Variants in NOS1 observed in about 807,000 individuals in gnomAD.
The protein encoded by NOS1 is nitric oxide synthase 1, also known as NOS type I.
In NOS1, 51 loss-of-function variants were observed where a neutral mutation model predicts 164.5. The observed-to-expected ratio is 0.31, with a 90% CI of 0.25 to 0.39. NOS1 has a LOEUF of 0.39. Among genes scored for constraint, NOS1 ranks in the 10% least tolerant of loss-of-function variants. The probability of loss-of-function intolerance (pLI) is 1.00; values close to 1 mark genes in which losing one functional copy is unlikely to be tolerated. For missense variants in NOS1, 1,362 were observed against 1,885.6 expected (o/e 0.72, Z 5.14); for synonymous variants, 719 against 745.8 (o/e 0.96, Z 0.59).
intron 1 of NOS1, among the ~76,000 whole-genome samples, chr12:117,354,264 T>C (rs61938734): frequency 7.0e-4 from 105 of 149,582 alleles, no homozygotes; most frequent in Admixed American, 1.8e-3. Flanking sequence ...ATCATCAAAA[T>C]CAATAAAAAT....
intron 1 of NOS1, among the ~76,000 whole-genome samples, chr12:117,360,084 C>G (rs1004533215): frequency 4.6e-5 from 7 of 150,846 alleles, no homozygotes; most frequent in Admixed American, 1.3e-4. Flanking sequence ...AGAGACTTAC[C>G]GAAGGTCACG....
In NOS1 at chr12:117,301,414, C is replaced by G. The variant is rs544712224; in HGVS notation, c.852+10052G>C. 1.0e-3 allele frequency among the ~76,000 whole-genome samples: 153 copies of G among 152,354 alleles called. 1 individual carries two copies. Among genetic ancestry groups the G allele is most frequent in the African/African-American group, 3.3e-3 (138 of 41,580 alleles). The stretch of plus-strand genomic sequence containing the variant: ...AAAGTGCTGGGATTACAGGCATGAG[C>G]TACACCTGGCCTTCATTTCATTTTG... On this transcript the variant is annotated intron_variant, in intron 3 of 28. Coordinates refer to ENST00000317775, the MANE Select transcript of NOS1 (RefSeq NM_000620.5).
chr12:117,343,859 A>G (rs779160565), intron 1 of NOS1, among the ~76,000 whole-genome samples: 1 of 152,234 alleles, frequency 6.6e-6, no homozygotes, highest in Non-Finnish European at 1.5e-5. Context: ...AGAGAGCAGT[A>G]ATAAGATTTG....
At chr12:117,317,686 A>C (rs1260817468) in intron 2 of NOS1, among the ~76,000 whole-genome samples, 1 of 151,888 alleles carries the variant, frequency 6.6e-6, no homozygotes, top group African/African-American at 2.4e-5. Context: ...TTGTTCCCAG[A>C]TGTAATTGAG....
Position 117,260,613 on chromosome 12 carries a change from G to C in NOS1, c.2223-4C>G. 1 of 1,611,652 alleles carries C rather than the reference G, an allele frequency of 6.2e-7. No homozygotes were observed. The highest frequency in any genetic ancestry group is 8.5e-7 in the Non-Finnish European group (1 of 1,178,024). ...CTTGGCCGAGAACTTGACAGCTCTG[G>C]AGGGAAGAGGATGGAGATGAAAAAT... On this transcript the variant is annotated splice_region_variant and splice_polypyrimidine_tract_variant and intron_variant, in intron 13 of 28. Transcript: ENST00000317775.
At chr12:117,253,798 C>T in intron 16 of NOS1, 44 bp from the exon 17 acceptor site, 2 of 1,339,762 alleles carry the variant, frequency 1.5e-6, no homozygotes, top group Non-Finnish European at 2.1e-6. Context: ...CCTGGAGCTC[C>T]CTCCTGAGGT....
intron 1 of NOS1, among the ~76,000 whole-genome samples, chr12:117,357,335 C>T (rs1484623434): frequency 1.3e-5 from 2 of 152,000 alleles, no homozygotes; most frequent in African/African-American, 2.4e-5. Flanking sequence ...GGGCTGACAC[C>T]CAGCAAGGTC....
chr12:117,265,347 T>C lies in NOS1; in HGVS notation c.2105A>G (p.Asn702Ser). 6.4e-7 allele frequency: 1 copy of C among 1,564,098 alleles called. No homozygotes were observed. The highest frequency in any genetic ancestry group is 8.7e-7 in the Non-Finnish European group (1 of 1,149,620). The stretch of plus-strand genomic sequence containing the variant: ...TTCGAAGGAGGGGGTGAGCCGGTAG[T>C]TGAGCATCTCCTGGTGGAACACAGG... Reference protein sequence around the residue: ...ITPVFHQEMLNYRLTPSFEYQ... With the variant: ...ITPVFHQEMLSYRLTPSFEYQ... The change falls in exon 12 of 29, where the codon AAC (asparagine) becomes AGC (serine). Residue 702 changes from asparagine to serine, a missense_variant. Coordinates refer to ENST00000317775, the MANE Select transcript of NOS1 (RefSeq NM_000620.5).
chr12:117,352,768 G>A (rs1000279867), intron 1 of NOS1, among the ~76,000 whole-genome samples: 1 of 152,156 alleles, frequency 6.6e-6, no homozygotes, highest in Non-Finnish European at 1.5e-5. Context: ...ATGTGCACAT[G>A]TATTCGTGTG....
intron 10 of NOS1, among the ~76,000 whole-genome samples, chr12:117,270,818 C>G (rs769588430): frequency 4.6e-5 from 7 of 151,980 alleles, no homozygotes; most frequent in Non-Finnish European, 1.0e-4. Context: ...GGTGGATCAT[C>G]TGAGGTCAAG....
At chr12:117,248,038 C>T (rs1253150302) in intron 17 of NOS1, among the ~76,000 whole-genome samples, 1 of 151,938 alleles carries the variant, frequency 6.6e-6, no homozygotes, top group Admixed American at 6.6e-5. Flanking sequence ...CTCTCTCTCC[C>T]TCTTTCCTTT....
rs554071632 is a variant in NOS1, at chr12:117,334,895, G to A, written c.-420-3406C>T. 2.0e-5 allele frequency among the ~76,000 whole-genome samples: 3 copies of A among 152,282 alleles called. No individual in the cohort carries two copies. In the South Asian group the frequency reaches 6.2e-4, roughly 32 times the overall value. ...GTTTTTGAATGTCCAGTTTCCATGA[G>A]GCTCCGTAGGGAGAGCTGGCCGCCT... On this transcript the variant is annotated intron_variant, in intron 1 of 28. Coordinates refer to ENST00000317775, the MANE Select transcript of NOS1 (RefSeq NM_000620.5).
chr12:117,319,962 A>C (rs973162277), intron 2 of NOS1, among the ~76,000 whole-genome samples: 2 of 152,212 alleles, frequency 1.3e-5, no homozygotes, highest in Non-Finnish European at 2.9e-5. Context: ...CTGATGCCCA[A>C]AGAAGTCAAA....
At chr12:117,242,512 G>C in intron 20 of NOS1, 115 bp downstream of exon 20, 1 of 868,090 alleles carries the variant, frequency 1.2e-6, no homozygotes, top group Middle Eastern at 2.4e-4. Flanking sequence ...GGTCTCTATG[G>C]CACTTTGCAA....
chr12:117,259,100 G>A lies in NOS1; in HGVS notation c.2398C>T (p.His800Tyr), dbSNP rs1320324282. 2.5e-6 allele frequency: 4 copies of A among 1,614,018 alleles called. No homozygotes were observed. Among genetic ancestry groups the A allele is most frequent in the East Asian group, 2.2e-5 (1 of 44,872 alleles). ...VMSMEEYDIV[H>Y]LEHETLVLVV... is the part of the protein sequence containing the mutation. ...AGGACCAGAGTTTCATGTTCCAGGT[G>A]CACAATGTCATATTCTTCCATGGAC... Residue 800 changes from histidine to tyrosine, a missense_variant, in exon 15 of 29, where the codon CAC becomes TAC. By Grantham distance (83) the His-to-Tyr change is moderately conservative. Around this residue, in one of 4 missense-constraint regions of NOS1, gnomAD observed 737 missense variants for 1,030.3 expected, o/e 0.72. Transcript: ENST00000317775.
At chr12:117,246,309 T>C (rs1592947027) in intron 18 of NOS1, 1 of 152,228 alleles carries the variant, frequency 6.6e-6, no homozygotes, top group Non-Finnish European at 1.5e-5. Context: ...TAATTATTAT[T>C]ATTTTTTAAG....
intron 1 of NOS1, among the ~76,000 whole-genome samples, chr12:117,348,894 G>A (rs181868816): frequency 6.6e-6 from 1 of 152,332 alleles, no homozygotes; most frequent in East Asian, 1.9e-4. Context: ...CAGTAGCGGA[G>A]AAAGTGGTGC....
chr12:117,223,813 C>T (rs1285130748), intron 25 of NOS1, among the ~76,000 whole-genome samples: 1 of 152,040 alleles, frequency 6.6e-6, no homozygotes, highest in Non-Finnish European at 1.5e-5. Context: ...TGCCACCATG[C>T]CTGGCTAATT....
At chr12:117,222,044 C>T (rs1174402630) in intron 26 of NOS1, among the ~76,000 whole-genome samples, 2 of 151,940 alleles carry the variant, frequency 1.3e-5, no homozygotes, top group Admixed American at 6.6e-5. Flanking sequence ...GCATTAAGTA[C>T]CCTTCTCAGT....
Sources: allele counts gnomAD v4.1 joint callset (sites outside exome capture counted in the v4.1 genomes callset), GRCh38; gene constraint gnomAD v4.1.1; regional missense constraint gnomAD v4.1.1; transcripts MANE v1.5; gene names NCBI Gene and HGNC (gene_info 2026-07-23, HGNC 2026-07-21).